SEZ6L: variants seen among roughly 807,000 people sequenced by gnomAD.
The protein encoded by SEZ6L is seizure 6-like protein.
SEZ6L carries 37 observed loss-of-function variants against 106.2 expected under a neutral mutation model. That is an observed-to-expected ratio of 0.35 (90% CI 0.27 to 0.46). The LOEUF (loss-of-function observed/expected upper bound fraction) is 0.46, where lower values mean the gene tolerates loss of function less well. Among genes scored for constraint, SEZ6L ranks in the 20% least tolerant of loss-of-function variants. The pLI, the probability that SEZ6L is intolerant of heterozygous loss-of-function variation, is 1.00. For synonymous variants in SEZ6L, 541 were observed against 570.4 expected (o/e 0.95, Z 0.73); for missense variants, 1,172 against 1,332.8 (o/e 0.88, Z 1.88).
At chr22:26,269,968 G>C (rs1478489765) in intron 1 of SEZ6L, among the ~76,000 whole-genome samples, 1 of 152,228 alleles carries the variant, frequency 6.6e-6, no homozygotes, top group Non-Finnish European at 1.5e-5. Context: ...AAGAAAGACA[G>C]TATCAGGGAA....
intron 1 of SEZ6L, among the ~76,000 whole-genome samples, chr22:26,276,507 C>T (rs1193105146): frequency 2.0e-5 from 3 of 152,248 alleles, no homozygotes; most frequent in Admixed American, 6.5e-5. Flanking sequence ...GGCTTTTAAA[C>T]TCACTTGGCA....
intron 12 of SEZ6L, chr22:26,351,488 C>T: frequency 2.1e-6 from 1 of 474,960 alleles, no homozygotes; most frequent in Middle Eastern, 5.3e-4. Context: ...CTCAAGTAGC[C>T]CTGGGAGCAT....
chr22:26,278,050 C>T (rs1314846369), intron 1 of SEZ6L, among the ~76,000 whole-genome samples: 1 of 152,068 alleles, frequency 6.6e-6, no homozygotes, highest in Admixed American at 6.6e-5. Context: ...ATTTAGTTGC[C>T]ATGAGGCAGG....
chr22:26,208,415 C>G (rs552904212), intron 1 of SEZ6L, among the ~76,000 whole-genome samples: 1 of 151,952 alleles, frequency 6.6e-6, no homozygotes, highest in Non-Finnish European at 1.5e-5. Context: ...CTGAATATGC[C>G]GTTAGTTTAC....
intron 6 of SEZ6L, among the ~76,000 whole-genome samples, chr22:26,309,770 G>A (rs1384416304): frequency 1.3e-5 from 2 of 152,004 alleles, no homozygotes; most frequent in African/African-American, 4.8e-5. Flanking sequence ...GTAGAGACGG[G>A]GTTTCACCAT....
At chr22:26,237,055 G>A (rs1370953908) in intron 1 of SEZ6L, among the ~76,000 whole-genome samples, 1 of 152,198 alleles carries the variant, frequency 6.6e-6, no homozygotes, top group African/African-American at 2.4e-5. Context: ...CCTAGGCAGT[G>A]GGATGTTGAG....
At chr22:26,351,349 A>C in intron 12 of SEZ6L, 106 bp downstream of exon 12, 1 of 942,522 alleles carries the variant, frequency 1.1e-6, no homozygotes, top group East Asian at 2.5e-5. Context: ...GCTTTTCGAC[A>C]GGGGCTTTTA....
intron 8 of SEZ6L, 101 bp downstream of exon 8, chr22:26,312,063 A>C (rs1305677225): frequency 1.7e-6 from 2 of 1,185,456 alleles, no homozygotes; most frequent in East Asian, 2.4e-5. Context: ...CCCAGTTTTC[A>C]TACCAACTTT....
chr22:26,319,994 G>T (rs1489811174), intron 9 of SEZ6L, among the ~76,000 whole-genome samples: 1 of 152,152 alleles, frequency 6.6e-6, no homozygotes, highest in African/African-American at 2.4e-5. Context: ...TGGGGACATG[G>T]CCTCCATTTT....
chr22:26,275,227 G>A (rs984531368), intron 1 of SEZ6L, among the ~76,000 whole-genome samples: 18 of 152,286 alleles, frequency 1.2e-4, no homozygotes, highest in African/African-American at 4.1e-4. Context: ...TTGCAAAAGA[G>A]ATACGTATTC....
chr22:26,219,485 A>T (rs142636967), intron 1 of SEZ6L, among the ~76,000 whole-genome samples: 39 of 152,268 alleles, frequency 2.6e-4, no homozygotes, highest in East Asian at 2.5e-3. Context: ...TTTATTTTCC[A>T]TACGGACTCT....
At chr22:26,361,000 G>A (rs1452152248) in intron 12 of SEZ6L, among the ~76,000 whole-genome samples, 1 of 152,136 alleles carries the variant, frequency 6.6e-6, no homozygotes, top group Non-Finnish European at 1.5e-5. Flanking sequence ...CGAGGAGTAG[G>A]AGTATTAGAT....
chr22:26,199,236 C>T (rs1167189977), intron 1 of SEZ6L, among the ~76,000 whole-genome samples: 2 of 152,130 alleles, frequency 1.3e-5, no homozygotes, highest in African/African-American at 4.8e-5. Flanking sequence ...AAGCCTATGG[C>T]GCAAAAATGA....
intron 12 of SEZ6L, among the ~76,000 whole-genome samples, chr22:26,352,955 T>C (rs1278142211): frequency 3.3e-5 from 5 of 152,216 alleles, no homozygotes; most frequent in African/African-American, 1.2e-4. Context: ...CCCAAAAGAA[T>C]GAAGAGTTTT....
intron 1 of SEZ6L, among the ~76,000 whole-genome samples, chr22:26,255,891 C>T (rs547976727): frequency 6.6e-5 from 10 of 152,312 alleles, no homozygotes; most frequent in African/African-American, 2.4e-4. Context: ...AGCCATCATC[C>T]CATTTAAAAT....
intron 1 of SEZ6L, among the ~76,000 whole-genome samples, chr22:26,220,680 T>A (rs1259204144): frequency 1.3e-5 from 2 of 152,226 alleles, no homozygotes; most frequent in East Asian, 1.9e-4. Context: ...TCACAGTCAC[T>A]GTCATATGGT....
chr22:26,234,764 C>T (rs535239430), intron 1 of SEZ6L, among the ~76,000 whole-genome samples: 1 of 152,362 alleles, frequency 6.6e-6, no homozygotes, highest in Admixed American at 6.5e-5. Flanking sequence ...AAATAGAGCA[C>T]AGCCCCTGTC....
At chr22:26,269,275 G>A (rs1420088760) in intron 1 of SEZ6L, among the ~76,000 whole-genome samples, 1 of 152,174 alleles carries the variant, frequency 6.6e-6, no homozygotes, top group East Asian at 1.9e-4. Flanking sequence ...TCAGAATGAG[G>A]CCTAGAAATC....
At chr22:26,248,741 A>T (rs1180098262) in intron 1 of SEZ6L, among the ~76,000 whole-genome samples, 2 of 152,216 alleles carry the variant, frequency 1.3e-5, no homozygotes, top group African/African-American at 4.8e-5. Flanking sequence ...TCAACTCTGG[A>T]AGTTTAGGTT....
Sources: gnomAD v4.1 joint callset for allele counts (sites outside exome capture counted in the v4.1 genomes callset) on GRCh38, gnomAD v4.1.1 for gene constraint, MANE v1.5 for transcripts, NCBI Gene and HGNC (gene_info 2026-07-23, HGNC 2026-07-21) for gene names.